The following GNA14 variants were observed in gnomAD, a reference collection of about 807,000 sequenced individuals.
GNA14 encodes G protein subunit alpha 14, also known as guanine nucleotide-binding protein subunit alpha-14.
Under a neutral mutation model 42.0 loss-of-function variants are expected in GNA14, and 50 were observed. That is an observed-to-expected ratio of 1.19 (90% CI 0.95 to 1.51). The LOEUF (loss-of-function observed/expected upper bound fraction) is 1.51, where lower values mean the gene tolerates loss of function less well. Among genes scored for constraint, GNA14 ranks in the 40% most tolerant of loss-of-function variants. The pLI is 0.00. For missense variants in GNA14, 473 were observed against 446.2 expected, an observed-to-expected ratio of 1.06 and a Z score of -0.54; for synonymous variants, 173 against 163.1, an observed-to-expected ratio of 1.06 and a Z score of -0.46.
Position 77,588,645 on chromosome 9 carries a change from A to G in GNA14, c.124+59025T>C, listed in dbSNP as rs1022106356. Among the ~76,000 whole-genome samples the G allele has an allele frequency of 1.3e-5, 2 of 152,306 alleles. 1 individual carries two copies. Among genetic ancestry groups the G allele is most frequent in the Middle Eastern group, 6.8e-3 (2 of 294 alleles). ...GCAAGGAAGCAGGAAAATATATTTC[A>G]TATAAAAATCTAAGTTAGAAGGCAG... On this transcript the variant is annotated intron_variant, in intron 1 of 6. Transcript: ENST00000341700.
intron 1 of GNA14, among the ~76,000 whole-genome samples, chr9:77,545,539 GT>G (rs1230779526): frequency 6.6e-6 from 1 of 152,174 alleles, no homozygotes; most frequent in East Asian, 1.9e-4. Context: ...CGTGGTCAAA[GT>G]AACAGCAGGA....
intron 1 of GNA14, among the ~76,000 whole-genome samples, chr9:77,609,080 T>C (rs1823688638): frequency 6.6e-6 from 1 of 152,130 alleles, no homozygotes; most frequent in Non-Finnish European, 1.5e-5. Flanking sequence ...TGCATAGGAA[T>C]TCCTTCTTAA....
intron 2 of GNA14, among the ~76,000 whole-genome samples, chr9:77,442,751 A>G (rs1259388412): frequency 2.0e-5 from 3 of 152,202 alleles, no homozygotes; most frequent in East Asian, 1.9e-4. Flanking sequence ...GGGAGATAAC[A>G]TCTTCCTCAT....
chr9:77,638,526 G>C (rs577927484), intron 1 of GNA14, among the ~76,000 whole-genome samples: 31 of 152,228 alleles, frequency 2.0e-4, no homozygotes, highest in African/African-American at 6.5e-4. Flanking sequence ...AATGTTCCAG[G>C]CAGGAAAAAA....
chr9:77,647,537 C>T, intron 1 of GNA14, 133 bp downstream of exon 1: 1 of 1,022,550 alleles, frequency 9.8e-7, no homozygotes, highest in Non-Finnish European at 1.4e-6. Context: ...CATCCGTGAG[C>T]TCCGAGGGGG....
chr9:77,437,043 C>T (rs1362182298), intron 2 of GNA14, among the ~76,000 whole-genome samples: 2 of 127,534 alleles, frequency 1.6e-5, no homozygotes, highest in Non-Finnish European at 3.8e-5. Flanking sequence ...CCTGGTGGCC[C>T]TCAGCATCCT....
intron 2 of GNA14, among the ~76,000 whole-genome samples, chr9:77,525,759 C>G (rs534341849): frequency 6.6e-6 from 1 of 151,814 alleles, no homozygotes; most frequent in Admixed American, 6.6e-5. Flanking sequence ...AGGATGATCT[C>G]GATCTCCTGA....
intron 5 of GNA14, 147 bp downstream of exon 5, chr9:77,428,760 C>T (rs988069515): frequency 1.8e-5 from 14 of 760,294 alleles, no homozygotes; most frequent in African/African-American, 3.5e-5. Context: ...CAGGTGATGC[C>T]TGTGCTGCTG....
intron 2 of GNA14, among the ~76,000 whole-genome samples, chr9:77,468,863 C>T (rs1432355555): frequency 3.3e-5 from 5 of 152,210 alleles, no homozygotes; most frequent in Non-Finnish European, 1.5e-5. Flanking sequence ...CTTAGTTGTT[C>T]TAGGTCACTG....
At chr9:77,499,676 C>T (rs1400501729) in intron 2 of GNA14, among the ~76,000 whole-genome samples, 1 of 151,860 alleles carries the variant, frequency 6.6e-6, no homozygotes, top group Non-Finnish European at 1.5e-5. Flanking sequence ...CATGGGAAAC[C>T]CCGTCTCTAC....
intron 2 of GNA14, among the ~76,000 whole-genome samples, chr9:77,483,245 T>C (rs1427702649): frequency 6.6e-6 from 1 of 152,238 alleles, no homozygotes; most frequent in Non-Finnish European, 1.5e-5. Flanking sequence ...GTGGATGTCC[T>C]TTCTGTTTGT....
intron 2 of GNA14, among the ~76,000 whole-genome samples, chr9:77,510,490 A>G (rs1326126430): frequency 1.3e-5 from 2 of 152,172 alleles, no homozygotes; most frequent in Non-Finnish European, 2.9e-5. Context: ...ACCCGCCACC[A>G]TGCCCGGCTA....
At chr9:77,554,146 G>A (rs894583431) in intron 1 of GNA14, among the ~76,000 whole-genome samples, 1 of 152,170 alleles carries the variant, frequency 6.6e-6, no homozygotes, top group African/African-American at 2.4e-5. Flanking sequence ...CTGGGAAACG[G>A]GAATGGTAAC....
At chr9:77,522,261 G>A (rs1326121067) in intron 2 of GNA14, among the ~76,000 whole-genome samples, 2 of 152,196 alleles carry the variant, frequency 1.3e-5, no homozygotes, top group African/African-American at 2.4e-5. Context: ...GCAAGAAGGC[G>A]CCATTGATGA....
At chr9:77,593,651 C>T (rs1220171948) in intron 1 of GNA14, among the ~76,000 whole-genome samples, 2 of 152,288 alleles carry the variant, frequency 1.3e-5, no homozygotes, top group Middle Eastern at 3.4e-3. Flanking sequence ...GGGGGCAGGG[C>T]AGCCAGCTGC....
At chr9:77,559,391 G>A (rs1208940395) in intron 1 of GNA14, among the ~76,000 whole-genome samples, 1 of 152,140 alleles carries the variant, frequency 6.6e-6, no homozygotes, top group Admixed American at 6.5e-5. Context: ...ATAAAGGACT[G>A]GGGGAGCTGA....
At chr9:77,522,265 T>C (rs962713021) in intron 2 of GNA14, among the ~76,000 whole-genome samples, 1 of 152,202 alleles carries the variant, frequency 6.6e-6, no homozygotes, top group African/African-American at 2.4e-5. Flanking sequence ...GAAGGCGCCA[T>C]TGATGAGACC....
intron 1 of GNA14, among the ~76,000 whole-genome samples, chr9:77,609,742 G>T (rs1375936945): frequency 6.6e-6 from 1 of 152,106 alleles, no homozygotes. Context: ...TTGGGGTTCA[G>T]AAAAAAATCC....
intron 1 of GNA14, among the ~76,000 whole-genome samples, chr9:77,642,157 A>G (rs559468317): frequency 3.3e-5 from 5 of 152,352 alleles, no homozygotes; most frequent in African/African-American, 9.6e-5. Flanking sequence ...AAGCCTGGTG[A>G]CTTACTGTAT....
Sources: allele counts gnomAD v4.1 joint callset (sites outside exome capture counted in the v4.1 genomes callset), GRCh38; gene constraint gnomAD v4.1.1; transcripts MANE v1.5; gene names NCBI Gene and HGNC (gene_info 2026-07-23, HGNC 2026-07-21).